Variants in ADAMTS9 observed in about 807,000 individuals in gnomAD.
ADAMTS9 encodes the protein ADAM metallopeptidase with thrombospondin type 1 motif 9, also known as A disintegrin and metalloproteinase with thrombospondin motifs 9.
A neutral mutation model predicts 257.1 loss-of-function variants in ADAMTS9; 107 were observed. That is an observed-to-expected ratio of 0.42 (90% CI 0.36 to 0.49). ADAMTS9 has a LOEUF of 0.49. Among genes scored for constraint, ADAMTS9 ranks in the 20% least tolerant of loss-of-function variants. The pLI, the probability that ADAMTS9 is intolerant of heterozygous loss-of-function variation, is 0.03. For missense variants in ADAMTS9, 2,353 were observed against 2,469.1 expected, an observed-to-expected ratio of 0.95 and a Z score of 1.00; for synonymous variants, 982 against 880.9, an observed-to-expected ratio of 1.11 and a Z score of -2.03.
intron 12 of ADAMTS9, among the ~76,000 whole-genome samples, chr3:64,639,312 T>TTAAAA (rs1700580900): frequency 1.1e-5 from 1 of 89,224 alleles, no homozygotes; most frequent in African/African-American, 4.8e-5. Flanking sequence ...TTTTTTTTTT[T>TTAAAA]AAAAAAAAAA....
chr3:64,684,222 G>A (rs567208681), intron 2 of ADAMTS9, among the ~76,000 whole-genome samples: 1 of 152,148 alleles, frequency 6.6e-6, no homozygotes, highest in African/African-American at 2.4e-5. Flanking sequence ...GTTAGCGATC[G>A]AGGAGAAAGA....
chr3:64,598,251 T>C (rs775211408), intron 26 of ADAMTS9, among the ~76,000 whole-genome samples: 2 of 152,082 alleles, frequency 1.3e-5, no homozygotes, highest in South Asian at 2.1e-4. Context: ...TTTCAAGTTA[T>C]AAAAATGTTA....
chr3:64,629,998 T>C (rs953401451), intron 16 of ADAMTS9, among the ~76,000 whole-genome samples: 1 of 152,216 alleles, frequency 6.6e-6, no homozygotes, highest in Non-Finnish European at 1.5e-5. Context: ...TAAGGGCCTC[T>C]ATACAGGTTG....
intron 3 of ADAMTS9, among the ~76,000 whole-genome samples, chr3:64,674,102 A>G (rs1028603992): frequency 6.6e-6 from 1 of 150,722 alleles, no homozygotes; most frequent in Non-Finnish European, 1.5e-5. Context: ...GTTTTTTTTT[A>G]AAAAAAAAGG....
At chr3:64,517,416 G>GGTTTTT (rs1553698666) in intron 39 of ADAMTS9, among the ~76,000 whole-genome samples, 1 of 52,638 alleles carries the variant, frequency 1.9e-5, no homozygotes, top group Non-Finnish European at 3.8e-5. Flanking sequence ...ATTAAAAATG[G>GGTTTTT]TTTTTTTTTT....
intron 12 of ADAMTS9, among the ~76,000 whole-genome samples, chr3:64,639,657 A>G (rs1700590815): frequency 6.6e-6 from 1 of 152,170 alleles, no homozygotes; most frequent in Non-Finnish European, 1.5e-5. Flanking sequence ...TGCAATATCC[A>G]TACCCTCATG....
chr3:64,647,515 G>C (rs1343572155), intron 11 of ADAMTS9, among the ~76,000 whole-genome samples: 1 of 152,190 alleles, frequency 6.6e-6, no homozygotes, highest in African/African-American at 2.4e-5. Context: ...TATCATAGTA[G>C]TACCTGCAAT....
At chr3:64,570,938 G>A (rs893645149) in intron 28 of ADAMTS9, among the ~76,000 whole-genome samples, 1 of 152,018 alleles carries the variant, frequency 6.6e-6, no homozygotes, top group African/African-American at 2.4e-5. Context: ...AATCATGGGT[G>A]GTAAAATTTG....
intron 30 of ADAMTS9, among the ~76,000 whole-genome samples, chr3:64,557,279 T>C (rs2083351510): frequency 6.6e-6 from 1 of 152,158 alleles, no homozygotes. Context: ...GATCTATTCC[T>C]CAATGCTGCA....
intron 38 of ADAMTS9, among the ~76,000 whole-genome samples, chr3:64,529,980 T>C (rs1460417813): frequency 8.9e-6 from 1 of 112,080 alleles, no homozygotes; most frequent in Non-Finnish European, 1.8e-5. Flanking sequence ...GTCAGTTATT[T>C]AATTTTTTTT....
intron 6 of ADAMTS9, 102 bp downstream of exon 6, chr3:64,655,474 C>A: frequency 3.1e-6 from 3 of 971,474 alleles, no homozygotes; most frequent in East Asian, 4.9e-5. Context: ...AGTGCCTAAG[C>A]TGAGAAACCC....
At chr3:64,544,895 G>A (rs1026638809) in intron 32 of ADAMTS9, among the ~76,000 whole-genome samples, 1 of 152,080 alleles carries the variant, frequency 6.6e-6, no homozygotes, top group Admixed American at 6.6e-5. Flanking sequence ...CAGAATCTAT[G>A]AAGAACTTAC....
intron 3 of ADAMTS9, among the ~76,000 whole-genome samples, chr3:64,678,541 A>G (rs1231347293): frequency 6.6e-6 from 1 of 152,166 alleles, no homozygotes; most frequent in Non-Finnish European, 1.5e-5. Context: ...CTGCATTTGT[A>G]TGAGGCTCCC....
At chr3:64,518,149 T>C (rs1031467804) in intron 39 of ADAMTS9, among the ~76,000 whole-genome samples, 14 of 152,168 alleles carry the variant, frequency 9.2e-5, no homozygotes, top group African/African-American at 3.1e-4. Flanking sequence ...AATGAAGACA[T>C]TTAAGAGGCA....
intron 28 of ADAMTS9, chr3:64,586,784 A>C (rs1415255537): frequency 6.6e-6 from 1 of 152,158 alleles, no homozygotes; most frequent in Non-Finnish European, 1.5e-5. Context: ...ACATTGCCTC[A>C]ACTCGGTTTC....
At chr3:64,535,189 C>G (rs773283612) in intron 37 of ADAMTS9, among the ~76,000 whole-genome samples, 29 of 151,922 alleles carry the variant, frequency 1.9e-4, no homozygotes, top group Non-Finnish European at 1.5e-4. Flanking sequence ...ACCAGCCTGG[C>G]CCAACGTGGT....
chr3:64,638,314 C>G (rs1275041025), intron 12 of ADAMTS9, among the ~76,000 whole-genome samples: 3 of 152,112 alleles, frequency 2.0e-5, no homozygotes, highest in Non-Finnish European at 2.9e-5. Context: ...GAGCACAAAA[C>G]AAGTATAGGG....
rs1451465489 is a variant in ADAMTS9, at chr3:64,545,215, CT to C, written c.5064+1542del. Reference sequence around the variant, plus strand: ...GACAGTGTGGCTATTCCTCAAGGATCTAGAACGAGAAATACCATTTGACCCA... The same window carrying C: ...GACAGTGTGGCTATTCCTCAAGGATCAGAACGAGAAATACCATTTGACCCA... On this transcript the variant is annotated intron_variant, in intron 32 of 39. Transcript: ENST00000498707. Among the ~76,000 whole-genome samples, 20 of 152,326 alleles carry C rather than the reference CT, an allele frequency of 1.3e-4. No individual in the cohort carries two copies. The East Asian group carries it at 3.9e-3, about 29-fold the overall frequency.
At chr3:64,612,990 T>A (rs1176887366) in intron 22 of ADAMTS9, among the ~76,000 whole-genome samples, 1 of 152,154 alleles carries the variant, frequency 6.6e-6, no homozygotes, top group African/African-American at 2.4e-5. Context: ...TGCCAGAGAC[T>A]CTGGTGCTGG....
Sources: gnomAD v4.1 joint callset for allele counts (sites outside exome capture counted in the v4.1 genomes callset) on GRCh38, gnomAD v4.1.1 for gene constraint, MANE v1.5 for transcripts, NCBI Gene and HGNC (gene_info 2026-07-23, HGNC 2026-07-21) for gene names.